Variants in KHDC1L observed in about 807,000 individuals in gnomAD.
KHDC1L encodes the protein KH domain containing 1 like, also known as KHDC1-like protein.
A neutral mutation model predicts 11.2 loss-of-function variants in KHDC1L; 5 were observed. That is an observed-to-expected ratio of 0.45 (90% confidence interval 0.23 to 0.94). The LOEUF (loss-of-function observed/expected upper bound fraction) is 0.94, where lower values mean the gene tolerates loss of function less well. Among genes scored for constraint, KHDC1L ranks in the 40% least tolerant of loss-of-function variants. The pLI, the probability that KHDC1L is intolerant of heterozygous loss-of-function variation, is 0.22. For synonymous variants in KHDC1L, 66 were observed against 62.7 expected (o/e 1.05, Z -0.25); for missense variants, 168 against 165.8 (o/e 1.01, Z -0.07).
Position 73,223,672 on chromosome 6 carries a change from C to A in KHDC1L, c.*76G>T. The A allele has an allele frequency of 7.9e-7, 1 of 1,266,610 alleles. No homozygotes were observed. The highest frequency in any genetic ancestry group is 1.3e-5 in the South Asian group (1 of 75,534). 78.5% of individuals were successfully genotyped at this position (1,266,610 alleles called of 1,614,324 possible). A position where few individuals can be genotyped will look rare whatever the true frequency, so the allele number is the denominator to read the frequency against. ...AGGTCTGGCCACAAATTCAAACTTT[C>A]TTCAGTGTTTTTCATGTCTTTCTCA... On this transcript the variant is annotated 3_prime_UTR_variant, in exon 3 of 3. Transcript: ENST00000370388.
rs762858795 is a variant in KHDC1L at position 73,225,265 on chromosome 6, TGAA to T, written c.112+29_112+31del. 1.3e-4 allele frequency: 212 copies of T among 1,588,382 alleles called. No individual in the cohort carries two copies. The African/African-American group carries it at 2.6e-3, about 20-fold the overall frequency. On this transcript the variant is annotated intron_variant, in intron 1 of 2. Coordinates refer to ENST00000370388, the MANE Select transcript of KHDC1L (RefSeq NM_001126063.3). ...CAAAAAAATAAAAATAAAAAACAGA[TGAA>T]GGAGGGGACGTGGGCAAAGGCCACT...
At chr6:73,224,077 G>T in intron 2 of KHDC1L, 89 bp downstream of exon 2, 1 of 1,407,916 alleles carries the variant, frequency 7.1e-7, no homozygotes, top group South Asian at 1.4e-5. Flanking sequence ...CCACACAAGG[G>T]ATTCTTCACG....
chr6:73,224,348 C>A lies in KHDC1L; in HGVS notation c.113G>T (p.Gly38Val). Residue 38 changes from glycine (G) to valine (V), a missense_variant and splice_region_variant, in exon 2 of 3, where the codon GGA (glycine) becomes GTA (valine). Physicochemically the swap from Gly to Val is moderately radical, Grantham distance 109. Transcript: ENST00000370388. ...GCAGCGAAGGTACGTGTCATCAAGTCCTGTAAGCACAAGAAGTGAGAAGAG... is the reference window on the plus strand; with the variant it reads ...GCAGCGAAGGTACGTGTCATCAAGTACTGTAAGCACAAGAAGTGAGAAGAG... ...MEEDQEELIFGLDDTYLRCIE... is the reference protein window; with the variant it reads ...MEEDQEELIFVLDDTYLRCIE... 1 of 1,561,408 alleles carries A rather than the reference C, an allele frequency of 6.4e-7. No homozygotes were observed. Among genetic ancestry groups the A allele is most frequent in the South Asian group, 1.2e-5 (1 of 83,460 alleles).
In KHDC1L at chr6:73,225,394, C is replaced by T. The variant is rs771993516; in HGVS notation, c.15G>A (p.Thr5=). The T allele has an allele frequency of 3.1e-6, 5 of 1,613,518 alleles. No individual in the cohort carries two copies. The African/African-American group carries it at 6.7e-5, about 22-fold the overall frequency. MAVG[T]SALSKEPWWT... is the part of the protein sequence containing the mutation. Reference sequence around the variant, plus strand: ...ACCACGGCTCCTTGCTGAGAGCACTCGTTCCCACGGCCATGCTGTGCTCCC... The same window carrying T: ...ACCACGGCTCCTTGCTGAGAGCACTTGTTCCCACGGCCATGCTGTGCTCCC... Residue 5 remains threonine, a synonymous_variant, in exon 1 of 3, where the codon ACG becomes ACA. Coordinates refer to ENST00000370388, the MANE Select transcript of KHDC1L (RefSeq NM_001126063.3).
At position 73,225,439 on chromosome 6, in the gene KHDC1L, A is replaced by G. The variant is rs1178526558; in HGVS notation, c.-31T>C. 6.5e-7 allele frequency: 1 copy of G among 1,530,478 alleles called. No homozygotes were observed. Among genetic ancestry groups the G allele is most frequent in the Admixed American group, 1.7e-5 (1 of 59,244 alleles). The allele number at this position is 1,530,478 out of a possible 1,614,324, so 94.8% of individuals were successfully genotyped here. ...GCTCCCACCTGATTCAGAATAGGGG[A>G]AAGTCTAACAAACTGGTTGGCAAAA... is the stretch of plus-strand genomic sequence containing the variant. On this transcript the variant is annotated 5_prime_UTR_variant, in exon 1 of 3. Coordinates refer to ENST00000370388, the MANE Select transcript of KHDC1L (RefSeq NM_001126063.3).
In KHDC1L at chr6:73,225,415, C is replaced by T; in HGVS notation, c.-7G>A. On this transcript the variant is annotated 5_prime_UTR_variant, in exon 1 of 3. Transcript: ENST00000370388. The stretch of plus-strand genomic sequence containing the variant: ...CACTCGTTCCCACGGCCATGCTGTG[C>T]TCCCACCTGATTCAGAATAGGGGAA... 1 of 1,605,098 alleles carries T rather than the reference C, an allele frequency of 6.2e-7. No individual in the cohort carries two copies. The highest frequency in any genetic ancestry group is 8.5e-7 in the Non-Finnish European group (1 of 1,172,120).
intron 2 of KHDC1L, 56 bp from the exon 3 acceptor site, chr6:73,223,895 G>T: frequency 7.2e-7 from 1 of 1,388,808 alleles, no homozygotes; most frequent in South Asian, 1.2e-5. Flanking sequence ...GGGGCCCTTA[G>T]TAGGCCCAGA....
At position 73,225,364 on chromosome 6, in the gene KHDC1L, G is replaced by T; in HGVS notation, c.45C>A (p.Thr15=). 2 of 1,614,102 alleles carry T rather than the reference G, an allele frequency of 1.2e-6. No homozygotes were observed. Among genetic ancestry groups the T allele is most frequent in the Non-Finnish European group, 1.7e-6 (2 of 1,179,988 alleles). ...TTGGAGAATGAAAGTTTTCGGGCAGGGTCCACCACGGCTCCTTGCTGAGAG... is the reference window on the plus strand; with the variant it reads ...TTGGAGAATGAAAGTTTTCGGGCAGTGTCCACCACGGCTCCTTGCTGAGAG... ...TSALSKEPWW[T]LPENFHSPMV... Residue 15 remains threonine, a synonymous_variant, in exon 1 of 3, where the codon ACC becomes ACA. Coordinates refer to ENST00000370388, the MANE Select transcript of KHDC1L (RefSeq NM_001126063.3).
intron 2 of KHDC1L, 79 bp downstream of exon 2, chr6:73,224,087 G>A (rs1766312105): frequency 6.9e-7 from 1 of 1,443,082 alleles, no homozygotes; most frequent in Non-Finnish European, 9.3e-7. Context: ...GATTCTTCAC[G>A]AATCCAAGAT....
At position 73,224,212 on chromosome 6, in the gene KHDC1L, G is replaced by A. The variant is rs1224373579; in HGVS notation, c.249C>T (p.Leu83=). ...GPPMAKQWLL[L]MFHCVGSQDS... ...CCTGGCTCCCCACGCAATGGAACAT[G>A]AGCAGCAGCCACTGCTTTGCCATTG... The change falls in exon 2 of 3, where the codon CTC becomes CTT. Residue 83 remains leucine, a synonymous_variant. Transcript: ENST00000370388. The A allele has an allele frequency of 1.9e-6, 3 of 1,575,208 alleles. No homozygotes were observed. Among genetic ancestry groups the A allele is most frequent in the Non-Finnish European group, 2.6e-6 (3 of 1,159,846 alleles).
intron 1 of KHDC1L, among the ~76,000 whole-genome samples, chr6:73,224,604 G>A (rs1014372765): frequency 1.1e-4 from 16 of 151,360 alleles, no homozygotes; most frequent in African/African-American, 1.9e-4. Context: ...GTGAAACCCC[G>A]TCTCTACTAA....
chr6:73,224,487 G>T (rs1766322033), intron 1 of KHDC1L, 139 bp from the exon 2 acceptor site: 1 of 725,578 alleles, frequency 1.4e-6, no homozygotes, highest in African/African-American at 1.8e-5. Context: ...GGGGATGAAG[G>T]AGGCCGGCCT....
Position 73,224,213 on chromosome 6 carries a change from AG to A in KHDC1L, c.247del (p.Leu83SerfsTer18), listed in dbSNP as rs1255566813. ...CTGGCTCCCCACGCAATGGAACATG[AG>A]CAGCAGCCACTGCTTTGCCATTGGT... is the stretch of plus-strand genomic sequence containing the variant. ...GPPMAKQWLL[L>X]MFHCVGSQDS... On this transcript the variant is annotated frameshift_variant, in exon 2 of 3. Transcript: ENST00000370388. LOFTEE classifies it low-confidence loss of function (END_TRUNC). 10 of 1,575,250 alleles carry A rather than the reference AG, an allele frequency of 6.3e-6. No homozygotes were observed. The highest frequency in any genetic ancestry group is 8.6e-6 in the Non-Finnish European group (10 of 1,159,878).
In KHDC1L at chr6:73,223,701, A is replaced by AT. The variant is rs1469513414; in HGVS notation, c.*46_*47insA. On this transcript the variant is annotated 3_prime_UTR_variant, in exon 3 of 3. Transcript: ENST00000370388. ...AGTGTTTTTCATGTCTTTCTCACCA[A>AT]AAGCGAAGCCAAGACTTCTCCTCTC... 3.3e-6 allele frequency: 5 copies of AT among 1,499,998 alleles called. No homozygotes were observed. Among genetic ancestry groups the AT allele is most frequent in the Non-Finnish European group, 4.6e-6 (5 of 1,096,102 alleles). 92.9% of individuals were successfully genotyped at this position (1,499,998 alleles called of 1,614,324 possible). A position where few individuals can be genotyped will look rare whatever the true frequency, so the allele number is the denominator to read the frequency against.
rs1428969651 is a variant in KHDC1L at position 73,224,351 on chromosome 6, G to A, written c.113-3C>T. On this transcript the variant is annotated splice_region_variant and splice_polypyrimidine_tract_variant and intron_variant, in intron 1 of 2. Transcript: ENST00000370388. ...GCGAAGGTACGTGTCATCAAGTCCTGTAAGCACAAGAAGTGAGAAGAGAAA... is the reference window on the plus strand; with the variant it reads ...GCGAAGGTACGTGTCATCAAGTCCTATAAGCACAAGAAGTGAGAAGAGAAA... 11 of 1,557,912 alleles carry A rather than the reference G, an allele frequency of 7.1e-6. No homozygotes were observed. The highest frequency in any genetic ancestry group is 9.6e-6 in the Non-Finnish European group (11 of 1,149,434).
chr6:73,223,889 C>T (rs1386075176), intron 2 of KHDC1L, 50 bp from the exon 3 acceptor site: 6 of 1,435,762 alleles, frequency 4.2e-6, no homozygotes, highest in Admixed American at 3.9e-5. Context: ...ATTACTGGGG[C>T]CCTTAGTAGG....
At position 73,225,292 on chromosome 6, in the gene KHDC1L, C is replaced by T. The variant is rs372457439; in HGVS notation, c.112+5G>A. ...AAGGAGGGGACGTGGGCAAAGGCCA[C>T]TCACCGAAGATGAGCTCCTCCTGGT... On this transcript the variant is annotated splice_donor_5th_base_variant and intron_variant, in intron 1 of 2. Coordinates refer to ENST00000370388, the MANE Select transcript of KHDC1L (RefSeq NM_001126063.3). 3.6e-5 allele frequency: 58 copies of T among 1,612,798 alleles called. No homozygotes were observed. The highest frequency in any genetic ancestry group is 4.8e-5 in the Non-Finnish European group (57 of 1,179,324).
Position 73,225,281 on chromosome 6 carries a change from G to T in KHDC1L, c.112+16C>A, listed in dbSNP as rs767642515. 31 of 1,610,402 alleles carry T rather than the reference G, an allele frequency of 1.9e-5. No individual in the cohort carries two copies. The East Asian group carries it at 2.0e-4, about 10-fold the overall frequency. ...AAAAACAGATGAAGGAGGGGACGTGGGCAAAGGCCACTCACCGAAGATGAG... is the reference window on the plus strand; with the variant it reads ...AAAAACAGATGAAGGAGGGGACGTGTGCAAAGGCCACTCACCGAAGATGAG... On this transcript the variant is annotated intron_variant, in intron 1 of 2. Coordinates refer to ENST00000370388, the MANE Select transcript of KHDC1L (RefSeq NM_001126063.3).
At chr6:73,224,074 AG>A in intron 2 of KHDC1L, 91 bp downstream of exon 2, 1 of 1,389,262 alleles carries the variant, frequency 7.2e-7, no homozygotes. Context: ...CAGCCACACA[AG>A]GGATTCTTCA....
Sources: gnomAD v4.1 joint callset for allele counts (sites outside exome capture counted in the v4.1 genomes callset) on GRCh38, gnomAD v4.1.1 for gene constraint, MANE v1.5 for transcripts, NCBI Gene and HGNC (gene_info 2026-07-23, HGNC 2026-07-21) for gene names.